ATP2C1: variants seen among roughly 807,000 people sequenced by gnomAD.
The protein encoded by ATP2C1 is ATPase secretory pathway Ca2+ transporting 1, also known as calcium-transporting ATPase type 2C member 1.
In ATP2C1, 31 loss-of-function variants were observed where a neutral mutation model predicts 120.5. The ratio of observed to expected loss-of-function variants is 0.26; its 90% CI spans 0.19 to 0.35. The LOEUF is 0.35. ATP2C1 is among the 10% of genes least tolerant of loss of function. The pLI is 1.00. For synonymous variants in ATP2C1, 351 were observed against 358.7 expected (o/e 0.98, Z 0.24); for missense variants, 731 against 1,107.5 (o/e 0.66, Z 4.83).
Position 130,930,346 on chromosome 3 carries a change from TTTA to T in ATP2C1, c.7-64_7-62del, listed in dbSNP as rs375219977. 3,491 of 1,018,996 alleles carry T rather than the reference TTTA, an allele frequency of 3.4e-3. 30 individuals are homozygous for T. Among genetic ancestry groups the T allele is most frequent in the African/African-American group, 0.026 (1,658 of 62,864 alleles). The allele number at this position is 1,018,996 out of a possible 1,614,324, so 63.1% of individuals were successfully genotyped here. A position where few individuals can be genotyped will look rare whatever the true frequency, so the allele number is the denominator to read the frequency against. ...ATTAGTTGCTGTGAACTTTTGGATT[TTTA>T]TTATTCTAGACTGCATTACACTTGT... On this transcript the variant is annotated intron_variant, in intron 2 of 27. Coordinates refer to ENST00000510168, the MANE Select transcript of ATP2C1 (RefSeq NM_001378687.1).
intron 2 of ATP2C1, among the ~76,000 whole-genome samples, chr3:130,915,518 G>C (rs1180421369): frequency 6.6e-6 from 1 of 152,174 alleles, no homozygotes; most frequent in Non-Finnish European, 1.5e-5. Flanking sequence ...AGCAGTTACT[G>C]AGTACCAGCT....
chr3:130,922,714 G>A (rs1454764366), intron 2 of ATP2C1, among the ~76,000 whole-genome samples: 1 of 152,130 alleles, frequency 6.6e-6, no homozygotes, highest in Non-Finnish European at 1.5e-5. Context: ...TTATTGACTT[G>A]AAGTCGTCAT....
At chr3:130,870,506 A>C (rs2068396595) in intron 1 of ATP2C1, among the ~76,000 whole-genome samples, 1 of 152,208 alleles carries the variant, frequency 6.6e-6, no homozygotes, top group South Asian at 2.1e-4. Context: ...GGAGTTTAGA[A>C]GAAGTTGATT....
intron 2 of ATP2C1, among the ~76,000 whole-genome samples, chr3:130,921,612 G>A (rs1401324016): frequency 6.6e-6 from 1 of 151,932 alleles, no homozygotes; most frequent in Non-Finnish European, 1.5e-5. Flanking sequence ...TCTTTATTAT[G>A]TTACTTTCTT....
chr3:130,926,093 C>T (rs191064214), intron 2 of ATP2C1, among the ~76,000 whole-genome samples: 2 of 152,298 alleles, frequency 1.3e-5, no homozygotes, highest in East Asian at 3.9e-4. Context: ...GTTTTTAGGC[C>T]TCCCAGAGAA....
At chr3:130,942,398 T>C (rs1270361215) in intron 8 of ATP2C1, among the ~76,000 whole-genome samples, 1 of 152,206 alleles carries the variant, frequency 6.6e-6, no homozygotes, top group African/African-American at 2.4e-5. Flanking sequence ...TAGAATAGAT[T>C]GAAGAACTGG....
chr3:131,012,653 C>G (rs2063372908), intron 26 of ATP2C1, among the ~76,000 whole-genome samples: 1 of 152,100 alleles, frequency 6.6e-6, no homozygotes, highest in Non-Finnish European at 1.5e-5. Context: ...TTTCTTGATT[C>G]TTCTGGGAGT....
At chr3:130,856,442 G>A (rs1043575856) in intron 1 of ATP2C1, among the ~76,000 whole-genome samples, 1 of 152,138 alleles carries the variant, frequency 6.6e-6, no homozygotes, top group African/African-American at 2.4e-5. Context: ...TGATTCTCTA[G>A]GTAAAATGAT....
At chr3:130,918,178 A>T in intron 2 of ATP2C1, 1 of 1,064,592 alleles carries the variant, frequency 9.4e-7, no homozygotes, top group Non-Finnish European at 1.5e-6. Flanking sequence ...TAGATTATGA[A>T]GAGATTCTCA....
chr3:130,930,838 C>T (rs2059419031), intron 3 of ATP2C1, among the ~76,000 whole-genome samples: 1 of 152,058 alleles, frequency 6.6e-6, no homozygotes, highest in Non-Finnish European at 1.5e-5. Flanking sequence ...AGCTCTAGAA[C>T]ATAATAGCTT....
At chr3:130,871,864 G>C (rs1241244757) in intron 1 of ATP2C1, among the ~76,000 whole-genome samples, 1 of 151,916 alleles carries the variant, frequency 6.6e-6, no homozygotes, top group African/African-American at 2.4e-5. Flanking sequence ...CTATTAAAAA[G>C]TACAAAAATT....
chr3:131,000,565 T>TA (rs902601558), intron 27 of ATP2C1, among the ~76,000 whole-genome samples: 2 of 152,186 alleles, frequency 1.3e-5, no homozygotes, highest in African/African-American at 4.8e-5. Context: ...CTACTGTTGA[T>TA]ACAGTACTTT....
intron 1 of ATP2C1, among the ~76,000 whole-genome samples, chr3:130,871,970 G>A (rs1211783876): frequency 2.0e-5 from 3 of 150,570 alleles, no homozygotes; most frequent in African/African-American, 4.9e-5. Context: ...TGCAGTGAGC[G>A]GAGATCATGC....
intron 13 of ATP2C1, 24 bp downstream of exon 13, chr3:130,964,119 T>G (rs372818284): frequency 1.8e-5 from 29 of 1,611,372 alleles, no homozygotes; most frequent in Non-Finnish European, 2.4e-5. Flanking sequence ...AAGAGCATTC[T>G]TATGCAATGA....
chr3:130,980,820 T>G (rs1431139004), intron 20 of ATP2C1, 141 bp downstream of exon 20: 2 of 684,588 alleles, frequency 2.9e-6, no homozygotes, highest in Non-Finnish European at 5.3e-6. Flanking sequence ...AATCCTGAAA[T>G]GAAGTCTTAT....
At chr3:130,940,246 G>A (rs925886116) in intron 6 of ATP2C1, among the ~76,000 whole-genome samples, 3 of 152,008 alleles carry the variant, frequency 2.0e-5, no homozygotes, top group African/African-American at 7.3e-5. Context: ...TGTTGTTTAC[G>A]GTTAATTATC....
chr3:130,870,172 A>C (rs1440196638), intron 1 of ATP2C1, among the ~76,000 whole-genome samples: 5 of 150,330 alleles, frequency 3.3e-5, no homozygotes, highest in African/African-American at 1.2e-4. Flanking sequence ...TGAGACCTCA[A>C]AAAAAAAAAT....
At chr3:131,011,619 A>C (rs2063319585) in intron 26 of ATP2C1, among the ~76,000 whole-genome samples, 2 of 152,250 alleles carry the variant, frequency 1.3e-5, no homozygotes, top group South Asian at 4.1e-4. Context: ...AAGCCAGGTC[A>C]AAAGCCAGGT....
chr3:130,979,696 A>G (rs1264489197), intron 19 of ATP2C1, among the ~76,000 whole-genome samples: 1 of 152,150 alleles, frequency 6.6e-6, no homozygotes, highest in Non-Finnish European at 1.5e-5. Context: ...CTGTGATGAC[A>G]GAGTAAAAGC....
Sources: allele counts gnomAD v4.1 joint callset (sites outside exome capture counted in the v4.1 genomes callset), GRCh38; gene constraint gnomAD v4.1.1; transcripts MANE v1.5; gene names NCBI Gene and HGNC (gene_info 2026-07-23, HGNC 2026-07-21).